Variants in ZNF469 observed in about 807,000 individuals in gnomAD.
ZNF469 encodes the protein zinc finger protein 469.
In ZNF469, 1 loss-of-function variant was observed where a neutral mutation model predicts 1.0. That is an observed-to-expected ratio of 1.00 (90% CI 0.35 to 4.73). The LOEUF (loss-of-function observed/expected upper bound fraction) is 4.73. Among genes scored for constraint, ZNF469 ranks in the 30% most tolerant of loss-of-function variants. The pLI is 0.16. For missense variants in ZNF469, 6,100 were observed against 5,356.3 expected (o/e 1.14, Z -4.33); for synonymous variants, 2,703 against 2,363.4 (o/e 1.14, Z -4.17).
the ZNF469 span, among the ~76,000 whole-genome samples, chr16:88,103,873 A>G: frequency 1.3e-4 from 19 of 143,690 alleles, no homozygotes; most frequent in African/African-American, 4.8e-4. Flanking sequence ...ATGATCCTCC[A>G]TGGCACGAGG....
the ZNF469 span, among the ~76,000 whole-genome samples, chr16:88,277,295 G>T: frequency 6.7e-6 from 1 of 149,078 alleles, no homozygotes; most frequent in Non-Finnish European, 1.5e-5. Flanking sequence ...CCGACGCTCA[G>T]TCAGTACCAT....
the ZNF469 span, among the ~76,000 whole-genome samples, chr16:88,304,428 G>A: frequency 1.3e-5 from 2 of 152,200 alleles, no homozygotes; most frequent in Non-Finnish European, 2.9e-5. Flanking sequence ...GGAATCTGCA[G>A]GGGCCAGGCC....
chr16:88,140,943 A>G, the ZNF469 span, among the ~76,000 whole-genome samples: 1 of 152,252 alleles, frequency 6.6e-6, no homozygotes, highest in Admixed American at 6.5e-5. Context: ...AAAAAAACAA[A>G]CAAACAAAAA....
the ZNF469 span, among the ~76,000 whole-genome samples, chr16:88,127,220 C>T: frequency 1.3e-5 from 2 of 152,020 alleles, no homozygotes; most frequent in South Asian, 4.2e-4. Context: ...AGGTTCTTTC[C>T]AGCGTTGTCC....
At chr16:88,326,183 G>T in the ZNF469 span, among the ~76,000 whole-genome samples, 1 of 152,198 alleles carries the variant, frequency 6.6e-6, no homozygotes, top group African/African-American at 2.4e-5. Flanking sequence ...GGACCCAGTG[G>T]GAGGTAATTG....
the ZNF469 span, among the ~76,000 whole-genome samples, chr16:88,202,081 C>T: frequency 6.6e-6 from 1 of 152,186 alleles, no homozygotes; most frequent in African/African-American, 2.4e-5. Context: ...TCCACAGCCA[C>T]CCCACGGGCA....
the ZNF469 span, among the ~76,000 whole-genome samples, chr16:88,257,240 G>A: frequency 1.1e-4 from 16 of 151,706 alleles, no homozygotes; most frequent in East Asian, 2.3e-3. Flanking sequence ...CTGGGATTAC[G>A]GGCGTGAGCC....
chr16:88,189,275 G>A, the ZNF469 span, among the ~76,000 whole-genome samples: 1 of 152,186 alleles, frequency 6.6e-6, no homozygotes, highest in Non-Finnish European at 1.5e-5. The surrounding 1 kb of genome is among the most constrained non-coding windows in gnomAD (Gnocchi z 4.3). Flanking sequence ...GAGGGATAAG[G>A]ATGGTAATGC....
In ZNF469 at chr16:88,431,966, C is replaced by T; in HGVS notation, c.4496C>T (p.Pro1499Leu). 6.5e-7 allele frequency: 1 copy of T among 1,549,720 alleles called. No homozygotes were observed. Among genetic ancestry groups the T allele is most frequent in the Non-Finnish European group, 8.7e-7 (1 of 1,146,970 alleles). ...ACGGTGCCGTCAGATCCACCGTACC[C>T]CTCTTTTTTGCTGCTTGAGGAAGTA... ...QKTVPSDPPY[P>L]SFLLLEEVSP... Residue 1499 changes from proline to leucine, a missense_variant, in exon 3 of 3, where the codon CCC becomes CTC. Pro to Leu is a moderately conservative substitution (Grantham distance 98). Transcript: ENST00000565624.
the ZNF469 span, among the ~76,000 whole-genome samples, chr16:88,352,883 A>G: frequency 6.6e-6 from 1 of 152,104 alleles, no homozygotes; most frequent in Non-Finnish European, 1.5e-5. Context: ...GAGCCCACCG[A>G]GTGAGACGGC....
the ZNF469 span, among the ~76,000 whole-genome samples, chr16:88,289,140 G>A: frequency 0.034 from 5,178 of 152,078 alleles, 151 homozygotes; most frequent in Non-Finnish European, 0.049. Flanking sequence ...CGGTGGTGTT[G>A]AGGATGATGG....
At position 88,428,979 on chromosome 16, in the gene ZNF469, G is replaced by C. The variant is rs1395781840; in HGVS notation, c.1509G>C (p.Arg503=). 6.5e-6 allele frequency: 10 copies of C among 1,548,674 alleles called. No individual in the cohort carries two copies. The highest frequency in any genetic ancestry group is 1.4e-5 in the African/African-American group (1 of 73,014). ...CCCACGGAATGGAGATGCTGAGCCG[G>C]CTGCCTTTCCCCGCGGGGGGCCCCG... ...PSPHGMEMLS[R]LPFPAGGPEW... is the part of the protein sequence containing the mutation. The change falls in exon 3 of 3, where the codon CGG becomes CGC. Residue 503 remains arginine (R), a synonymous_variant. Transcript: ENST00000565624.
At chr16:88,398,678 G>A (rs1254937001) in intron 1 of ZNF469, among the ~76,000 whole-genome samples, 2 of 84,678 alleles carry the variant, frequency 2.4e-5, no homozygotes, top group East Asian at 3.9e-4. Flanking sequence ...GAGGGGACAC[G>A]TGAGCCACAG....
the ZNF469 span, among the ~76,000 whole-genome samples, chr16:88,155,913 A>T: frequency 1.3e-5 from 2 of 152,162 alleles, no homozygotes; most frequent in South Asian, 4.1e-4. Flanking sequence ...ATCAGCACTC[A>T]CTGCTGTCTG....
the ZNF469 span, among the ~76,000 whole-genome samples, chr16:88,376,503 C>T: frequency 6.6e-6 from 1 of 152,192 alleles, no homozygotes; most frequent in Non-Finnish European, 1.5e-5. Context: ...TCCTCCGGGG[C>T]CCTCGCTCTG....
At chr16:88,163,087 G>T in the ZNF469 span, among the ~76,000 whole-genome samples, 131 of 151,410 alleles carry the variant, frequency 8.7e-4, 6 homozygotes, top group East Asian at 0.025. Context: ...GTTGATGGAT[G>T]CATGACTGGG....
At chr16:88,264,778 G>A in the ZNF469 span, among the ~76,000 whole-genome samples, 2 of 151,038 alleles carry the variant, frequency 1.3e-5, no homozygotes, top group African/African-American at 4.9e-5. Context: ...CTGGGCTTTG[G>A]CGCAACCCTA....
In ZNF469 at chr16:88,435,311, G is replaced by A. The variant is rs1236547200; in HGVS notation, c.7841G>A (p.Arg2614Lys). 1.9e-6 allele frequency: 3 copies of A among 1,550,386 alleles called. No individual in the cohort carries two copies. The highest frequency in any genetic ancestry group is 2.6e-6 in the Non-Finnish European group (3 of 1,146,990). ...CAGGCAGAAAAAAGAGAAGGCCGGA[G>A]GTGGCGCCGAGAGCCCACCGTGGAC... The part of the protein sequence containing the change: ...PKQAEKREGR[R>K]WRREPTVDSP... The change falls in exon 3 of 3, where the codon AGG becomes AAG. Residue 2614 changes from arginine (R) to lysine (K), a missense_variant. Arg to Lys is a conservative substitution (Grantham distance 26). Coordinates refer to ENST00000565624, the MANE Select transcript of ZNF469 (RefSeq NM_001367624.2).
At chr16:88,286,742 T>G in the ZNF469 span, among the ~76,000 whole-genome samples, 149 of 152,366 alleles carry the variant, frequency 9.8e-4, no homozygotes, top group African/African-American at 3.4e-3. Flanking sequence ...AGTACTTTCA[T>G]GTTCCCAGTG....
Sources: allele counts gnomAD v4.1 joint callset (sites outside exome capture counted in the v4.1 genomes callset), GRCh38; gene constraint gnomAD v4.1.1; non-coding constraint Gnocchi (gnomAD v3.1); transcripts MANE v1.5; gene names NCBI Gene and HGNC (gene_info 2026-07-23, HGNC 2026-07-21).